PCP4: variants seen among roughly 807,000 people sequenced by gnomAD.
PCP4 encodes calmodulin regulator protein PCP4.
In PCP4, 8 loss-of-function variants were observed where a neutral mutation model predicts 10.0. The ratio of observed to expected loss-of-function variants is 0.80; its 90% CI spans 0.47 to 1.45. The LOEUF is 1.45. Among genes scored for constraint, PCP4 ranks in the 40% most tolerant of loss-of-function variants. The pLI is 0.00. For synonymous variants in PCP4, 21 were observed against 23.0 expected (o/e 0.91, Z 0.24); for missense variants, 54 against 74.4 (o/e 0.73, Z 1.01).
rs549896312 is a variant in PCP4, at chr21:39,909,941, G to A, written c.61+11414G>A. Among the ~76,000 whole-genome samples, 36 of 151,918 alleles carry A rather than the reference G, an allele frequency of 2.4e-4. No homozygotes were observed. The East Asian group carries it at 6.4e-3, about 27-fold the overall frequency. On this transcript the variant is annotated intron_variant, in intron 2 of 2. Coordinates refer to ENST00000328619, the MANE Select transcript of PCP4 (RefSeq NM_006198.3). Reference sequence around the variant, plus strand: ...CACCCGAGTAGCTGGGATTACAGGCGCCCGCCACCACGTCTGGCTAATTTT... The same window carrying A: ...CACCCGAGTAGCTGGGATTACAGGCACCCGCCACCACGTCTGGCTAATTTT...
At chr21:39,923,549 A>G (rs1429204512) in intron 2 of PCP4, among the ~76,000 whole-genome samples, 1 of 152,188 alleles carries the variant, frequency 6.6e-6, no homozygotes, top group African/African-American at 2.4e-5. Flanking sequence ...CCTCAGGCCA[A>G]ATGTAATTTA....
chr21:39,884,236 A>G (rs1475901946), intron 1 of PCP4, among the ~76,000 whole-genome samples: 4 of 151,032 alleles, frequency 2.6e-5, no homozygotes, highest in African/African-American at 9.8e-5. Context: ...CTGGAGTGCA[A>G]TGGTGTGATC....
chr21:39,875,132 T>C (rs2087338745), intron 1 of PCP4, among the ~76,000 whole-genome samples: 1 of 152,236 alleles, frequency 6.6e-6, no homozygotes, highest in Non-Finnish European at 1.5e-5. Context: ...GTGTGCAATT[T>C]CTTTATTAAA....
chr21:39,884,329 A>T (rs1169043045), intron 1 of PCP4, among the ~76,000 whole-genome samples: 2 of 151,620 alleles, frequency 1.3e-5, no homozygotes, highest in Non-Finnish European at 2.9e-5. Context: ...ACAGGCATGC[A>T]CCACCATGCC....
intron 1 of PCP4, among the ~76,000 whole-genome samples, chr21:39,895,004 C>T (rs2087450098): frequency 6.6e-6 from 1 of 152,178 alleles, no homozygotes; most frequent in Non-Finnish European, 1.5e-5. Flanking sequence ...CCCATCTACC[C>T]ATCCGTCCAC....
At chr21:39,898,140 A>G (rs1214414948) in intron 1 of PCP4, among the ~76,000 whole-genome samples, 1 of 152,032 alleles carries the variant, frequency 6.6e-6, no homozygotes. Context: ...ATGACGCATT[A>G]ACAATGCTGA....
intron 1 of PCP4, among the ~76,000 whole-genome samples, chr21:39,888,346 A>T (rs2087411188): frequency 6.6e-6 from 1 of 152,234 alleles, no homozygotes; most frequent in South Asian, 2.1e-4. Context: ...AGGAACAAAT[A>T]CTTCCTTTCT....
At chr21:39,905,397 A>G (rs541736933) in intron 2 of PCP4, among the ~76,000 whole-genome samples, 2 of 152,310 alleles carry the variant, frequency 1.3e-5, no homozygotes, top group East Asian at 3.9e-4. Flanking sequence ...CCAGATGGGG[A>G]AAAAATGACA....
chr21:39,905,049 C>T (rs1459311485), intron 2 of PCP4, among the ~76,000 whole-genome samples: 3 of 152,192 alleles, frequency 2.0e-5, no homozygotes, highest in Admixed American at 2.0e-4. Context: ...CTAGAAAGCT[C>T]TCAATCTGTT....
At chr21:39,885,589 G>T (rs2087396540) in intron 1 of PCP4, among the ~76,000 whole-genome samples, 1 of 152,230 alleles carries the variant, frequency 6.6e-6, no homozygotes, top group African/African-American at 2.4e-5. Flanking sequence ...GTTCAGGAGA[G>T]AATTCAGCCC....
intron 1 of PCP4, among the ~76,000 whole-genome samples, chr21:39,890,324 C>G (rs1391364575): frequency 6.6e-6 from 1 of 152,140 alleles, no homozygotes; most frequent in African/African-American, 2.4e-5. Flanking sequence ...TCATTCCAAT[C>G]CTGTCTATTT....
intron 1 of PCP4, among the ~76,000 whole-genome samples, chr21:39,881,231 G>T (rs1288543440): frequency 1.3e-5 from 2 of 152,028 alleles, no homozygotes; most frequent in African/African-American, 4.8e-5. Context: ...GAATGTTGGG[G>T]GGAGAAACCT....
intron 2 of PCP4, among the ~76,000 whole-genome samples, chr21:39,905,447 A>T (rs1035992199): frequency 6.6e-6 from 1 of 152,342 alleles, no homozygotes; most frequent in African/African-American, 2.4e-5. Context: ...AAGCCATCGC[A>T]GTCTCCAGAC....
intron 2 of PCP4, among the ~76,000 whole-genome samples, chr21:39,927,903 G>A (rs572218979): frequency 2.0e-5 from 3 of 152,222 alleles, no homozygotes; most frequent in Admixed American, 6.5e-5. Context: ...TTCCCACTGC[G>A]GCTGTGCAAG....
At position 39,906,929 on chromosome 21, in the gene PCP4, C is replaced by T. The variant is rs146926436; in HGVS notation, c.61+8402C>T. 7.2e-4 allele frequency among the ~76,000 whole-genome samples: 110 copies of T among 152,224 alleles called. No homozygotes were observed. In the South Asian group the frequency reaches 0.011, roughly 15 times the overall value. On this transcript the variant is annotated intron_variant, in intron 2 of 2. Transcript: ENST00000328619. The surrounding 1 kb of genome is among the most constrained non-coding windows in gnomAD (Gnocchi z 6.3). ...ACTTTTATGGAAATAGTATTTCTCA[C>T]GCGCTTGAAAACACTTTTGCTCTTT... is the stretch of plus-strand genomic sequence containing the variant.
chr21:39,924,279 C>G (rs1326039715), intron 2 of PCP4, among the ~76,000 whole-genome samples: 1 of 152,178 alleles, frequency 6.6e-6, no homozygotes. Context: ...TGAACATAAA[C>G]CTAACACTGG....
chr21:39,903,293 T>C (rs2087489657), intron 2 of PCP4, among the ~76,000 whole-genome samples: 1 of 152,186 alleles, frequency 6.6e-6, no homozygotes, highest in Non-Finnish European at 1.5e-5. Context: ...CTGTGATGCA[T>C]TTGTTTCTAC....
At chr21:39,896,538 T>C (rs556088090) in intron 1 of PCP4, among the ~76,000 whole-genome samples, 91 of 152,280 alleles carry the variant, frequency 6.0e-4, no homozygotes, top group African/African-American at 2.1e-3. Context: ...TAAGAAATGG[T>C]TTACCTGATT....
chr21:39,897,564 C>T (rs2837272), intron 1 of PCP4, among the ~76,000 whole-genome samples: 29,079 of 151,918 alleles, frequency 0.19, 3,291 homozygotes, highest in Admixed American at 0.28. Context: ...GTGCATTTCA[C>T]GCGGCTCCCC....
Sources: allele counts gnomAD v4.1 joint callset (sites outside exome capture counted in the v4.1 genomes callset), GRCh38; gene constraint gnomAD v4.1.1; non-coding constraint Gnocchi (gnomAD v3.1); transcripts MANE v1.5; gene names NCBI Gene and HGNC (gene_info 2026-07-23, HGNC 2026-07-21).